Variants in ADAMTSL1 observed in about 807,000 individuals in gnomAD.
The protein encoded by ADAMTSL1 is ADAMTS like 1, also known as ADAMTS-like protein 1.
ADAMTSL1 carries 126 observed loss-of-function variants against 201.8 expected under a neutral mutation model. The ratio of observed to expected loss-of-function variants is 0.62; its 90% CI spans 0.54 to 0.72. The LOEUF (loss-of-function observed/expected upper bound fraction) is 0.72. Among genes scored for constraint, ADAMTSL1 ranks in the 30% least tolerant of loss-of-function variants. ADAMTSL1 has a pLI of 0.00. For missense variants in ADAMTSL1, 2,679 were observed against 2,277.8 expected, an observed-to-expected ratio of 1.18 and a Z score of -3.59; for synonymous variants, 1,121 against 903.4, an observed-to-expected ratio of 1.24 and a Z score of -4.32.
At chr9:18,157,791 C>T (rs561752466) in intron 1 of ADAMTSL1, among the ~76,000 whole-genome samples, 2 of 152,120 alleles carry the variant, frequency 1.3e-5, no homozygotes, top group Admixed American at 6.6e-5. Context: ...GCCACCCCCA[C>T]GATCTTCTTG....
intron 1 of ADAMTSL1, among the ~76,000 whole-genome samples, chr9:18,093,118 G>A (rs1824098544): frequency 6.6e-6 from 1 of 152,054 alleles, no homozygotes; most frequent in Non-Finnish European, 1.5e-5. Flanking sequence ...GGTAGCAGCC[G>A]ACAAGTACAG....
chr9:18,218,130 T>C (rs1471598662), intron 2 of ADAMTSL1, among the ~76,000 whole-genome samples: 1 of 152,234 alleles, frequency 6.6e-6, no homozygotes, highest in Non-Finnish European at 1.5e-5. Context: ...AAACATACTT[T>C]TTAAAATCTC....
chr9:17,936,548 C>T (rs1377939382), intron 1 of ADAMTSL1, among the ~76,000 whole-genome samples: 1 of 152,146 alleles, frequency 6.6e-6, no homozygotes, highest in African/African-American at 2.4e-5. Flanking sequence ...AGGTCCTTTC[C>T]AGCTCTAACA....
At chr9:18,702,763 A>G (rs926180157) in intron 13 of ADAMTSL1, among the ~76,000 whole-genome samples, 8 of 151,982 alleles carry the variant, frequency 5.3e-5, no homozygotes, top group African/African-American at 1.9e-4. Context: ...GCTAACAAAA[A>G]GAGTTTTTTT....
At chr9:18,160,284 A>C (rs1827326085) in intron 1 of ADAMTSL1, among the ~76,000 whole-genome samples, 1 of 152,086 alleles carries the variant, frequency 6.6e-6, no homozygotes, top group African/African-American at 2.4e-5. Flanking sequence ...TATGTCCTGG[A>C]GAACTATCCT....
intron 2 of ADAMTSL1, among the ~76,000 whole-genome samples, chr9:18,175,380 T>C (rs1330559690): frequency 6.6e-6 from 1 of 152,214 alleles, no homozygotes; most frequent in Non-Finnish European, 1.5e-5. Context: ...TGTGCATTTA[T>C]CAATATAATA....
At chr9:18,249,125 C>T (rs1264926184) in intron 2 of ADAMTSL1, among the ~76,000 whole-genome samples, 2 of 152,276 alleles carry the variant, frequency 1.3e-5, no homozygotes, top group Middle Eastern at 3.4e-3. Flanking sequence ...CCACCCCTCA[C>T]TTTCAGACAC....
intron 23 of ADAMTSL1, among the ~76,000 whole-genome samples, chr9:18,844,429 G>C (rs1163771194): frequency 6.6e-6 from 1 of 152,192 alleles, no homozygotes; most frequent in Non-Finnish European, 1.5e-5. Flanking sequence ...GCCGTGTAAG[G>C]TGTCAGTCTG....
intron 2 of ADAMTSL1, among the ~76,000 whole-genome samples, chr9:18,185,954 G>C (rs1188138980): frequency 6.6e-6 from 1 of 152,174 alleles, no homozygotes; most frequent in East Asian, 1.9e-4. Context: ...AGGATTAAAT[G>C]AAGGCATCAT....
intron 1 of ADAMTSL1, among the ~76,000 whole-genome samples, chr9:17,986,238 A>G (rs993948972): frequency 6.6e-6 from 1 of 152,012 alleles, no homozygotes; most frequent in Non-Finnish European, 1.5e-5. Context: ...ACTTAAGGTA[A>G]ATTGATTGAG....
At chr9:18,052,480 G>A (rs944963655) in intron 1 of ADAMTSL1, among the ~76,000 whole-genome samples, 11 of 152,256 alleles carry the variant, frequency 7.2e-5, no homozygotes, top group African/African-American at 2.6e-4. Context: ...GTGTGAAGCC[G>A]CTGAGAGTGG....
At chr9:18,273,151 C>T (rs187994161) in intron 2 of ADAMTSL1, among the ~76,000 whole-genome samples, 143 of 152,302 alleles carry the variant, frequency 9.4e-4, no homozygotes, top group African/African-American at 3.3e-3. Context: ...GTGATCTTGG[C>T]TCACTGCAAC....
chr9:18,287,432 C>A (rs1302855049), intron 2 of ADAMTSL1, among the ~76,000 whole-genome samples: 2 of 150,980 alleles, frequency 1.3e-5, no homozygotes, highest in Non-Finnish European at 2.9e-5. Flanking sequence ...TGTAATATTT[C>A]TACATATATG....
intron 23 of ADAMTSL1, among the ~76,000 whole-genome samples, chr9:18,855,197 G>A (rs1035621844): frequency 3.3e-5 from 5 of 152,132 alleles, no homozygotes; most frequent in South Asian, 2.1e-4. Context: ...AAAGAAGGCC[G>A]GGGAAAATAA....
At chr9:18,724,253 T>G (rs12553779) in intron 15 of ADAMTSL1, among the ~76,000 whole-genome samples, 13,736 of 152,256 alleles carry the variant, frequency 0.09, 1,205 homozygotes, top group African/African-American at 0.23. Flanking sequence ...GAACACCAGT[T>G]AGGGAGCCAC....
chr9:18,423,039 C>T (rs1004249402), intron 2 of ADAMTSL1, among the ~76,000 whole-genome samples: 1 of 152,146 alleles, frequency 6.6e-6, no homozygotes, highest in African/African-American at 2.4e-5. Context: ...GGAAAACTCC[C>T]TCATCTTGTA....
At chr9:18,717,072 C>T (rs1453651669) in intron 14 of ADAMTSL1, among the ~76,000 whole-genome samples, 1 of 138,940 alleles carries the variant, frequency 7.2e-6, no homozygotes, top group East Asian at 2.1e-4. Context: ...ACATCACACT[C>T]TGGGGACTGT....
chr9:18,856,256 A>G (rs186831223), intron 23 of ADAMTSL1, among the ~76,000 whole-genome samples: 195 of 152,294 alleles, frequency 1.3e-3, no homozygotes, highest in Non-Finnish European at 2.1e-3. Context: ...TTGTTAAGCA[A>G]TCATTACTTT....
chr9:18,333,823 G>A (rs998164203), intron 2 of ADAMTSL1, among the ~76,000 whole-genome samples: 1 of 152,138 alleles, frequency 6.6e-6, no homozygotes, highest in Admixed American at 6.5e-5. Context: ...TCTTCAGAGG[G>A]ATTACTGATT....
Sources: allele counts gnomAD v4.1 joint callset (sites outside exome capture counted in the v4.1 genomes callset), GRCh38; gene constraint gnomAD v4.1.1; transcripts MANE v1.5; gene names NCBI Gene and HGNC (gene_info 2026-07-23, HGNC 2026-07-21).